The following ACSM5 variants were observed in gnomAD, a reference collection of about 807,000 sequenced individuals.
The protein encoded by ACSM5 is acyl-CoA synthetase medium chain family member 5, also known as acyl-coenzyme A synthetase ACSM5, mitochondrial.
A neutral mutation model predicts 71.6 loss-of-function variants in ACSM5; 56 were observed. The ratio of observed to expected loss-of-function variants is 0.78; its 90% CI spans 0.63 to 0.98. The LOEUF (loss-of-function observed/expected upper bound fraction) is 0.98. Among genes scored for constraint, ACSM5 ranks in the 50% least tolerant of loss-of-function variants. ACSM5 has a pLI of 0.00. For synonymous variants in ACSM5, 285 were observed against 281.5 expected, an observed-to-expected ratio of 1.01 and a Z score of -0.12; for missense variants, 723 against 726.0, an observed-to-expected ratio of 1.00 and a Z score of 0.05.
In ACSM5 at chr16:20,420,879, T is replaced by C. The variant is rs1392786378; in HGVS notation, c.624-379T>C. Among the ~76,000 whole-genome samples the C allele has an allele frequency of 3.3e-5, 5 of 152,100 alleles. No individual in the cohort carries two copies. The East Asian group carries it at 5.8e-4, about 18-fold the overall frequency. ...ATTACCTAGATCTCAAAACCCCATA[T>C]TGGGGGAAACCTTTAGAAAAGAGTT... On this transcript the variant is annotated intron_variant, in intron 4 of 13. Coordinates refer to ENST00000331849, the MANE Select transcript of ACSM5 (RefSeq NM_017888.3).
At chr16:20,419,630 A>T in intron 4 of ACSM5, 195 bp downstream of exon 4, 1 of 599,758 alleles carries the variant, frequency 1.7e-6, no homozygotes. Flanking sequence ...TCAGTGCTGG[A>T]TTTGTCAGCA....
intron 13 of ACSM5, 27 bp downstream of exon 13, chr16:20,439,946 G>A (rs1967288979): frequency 6.2e-7 from 1 of 1,611,194 alleles, no homozygotes; most frequent in Admixed American, 1.7e-5. Flanking sequence ...CCAGGGCACA[G>A]TGATCTGGGA....
chr16:20,416,389 A>G (rs1193534513), intron 2 of ACSM5, among the ~76,000 whole-genome samples: 1 of 152,178 alleles, frequency 6.6e-6, no homozygotes, highest in Non-Finnish European at 1.5e-5. Flanking sequence ...ACTTGGATAA[A>G]TAGGTATGAA....
At position 20,427,859 on chromosome 16, in the gene ACSM5, T is replaced by C. The variant is rs1042942804; in HGVS notation, c.993T>C (p.Asp331=). 11 of 1,613,362 alleles carry C rather than the reference T, an allele frequency of 6.8e-6. No homozygotes were observed. The highest frequency in any genetic ancestry group is 1.3e-5 in the African/African-American group (1 of 75,036). The change falls in exon 7 of 14, where the codon GAT becomes GAC. Residue 331 remains aspartate, a synonymous_variant. Coordinates refer to ENST00000331849, the MANE Select transcript of ACSM5 (RefSeq NM_017888.3). ...PTIFRLLVQE[D]LTRYQFQSLR... ...TCTTTCGGCTGCTTGTGCAGGAGGA[T>C]CTGACCAGGTACAGCCCGTCTATTT...
intron 5 of ACSM5, among the ~76,000 whole-genome samples, chr16:20,422,959 T>G (rs1234480354): frequency 6.6e-6 from 1 of 152,168 alleles, no homozygotes; most frequent in Non-Finnish European, 1.5e-5. Flanking sequence ...ACAGTTTGTT[T>G]ATGGAGTTGT....
chr16:20,440,593 A>C lies in ACSM5; in HGVS notation c.*166A>C. ...ATCACTGGGCAATGCTGGAAAGAGC[A>C]AAAGAATATCATTGGCCCTGATCAC... On this transcript the variant is annotated 3_prime_UTR_variant, in exon 14 of 14. Coordinates refer to ENST00000331849, the MANE Select transcript of ACSM5 (RefSeq NM_017888.3). 4.8e-6 allele frequency: 3 copies of C among 630,680 alleles called. No individual in the cohort carries two copies. Among genetic ancestry groups the C allele is most frequent in the Non-Finnish European group, 5.7e-6 (2 of 351,186 alleles). The allele number at this position is 630,680 out of a possible 1,614,324, so 39.1% of individuals were successfully genotyped here. A position where few individuals can be genotyped will look rare whatever the true frequency, so the allele number is the denominator to read the frequency against.
chr16:20,410,178 G>A (rs1399510412), intron 1 of ACSM5, among the ~76,000 whole-genome samples: 1 of 152,148 alleles, frequency 6.6e-6, no homozygotes, highest in Non-Finnish European at 1.5e-5. Context: ...TCAATAGACT[G>A]AAGCTGTTAT....
intron 3 of ACSM5, 150 bp from the exon 4 acceptor site, chr16:20,419,078 T>G: frequency 1.4e-6 from 1 of 691,670 alleles, no homozygotes; most frequent in South Asian, 1.8e-5. Context: ...TTCAGACGGC[T>G]AGGGTTTTTA....
chr16:20,416,992 A>G (rs1437211687), intron 2 of ACSM5, among the ~76,000 whole-genome samples: 7 of 147,746 alleles, frequency 4.7e-5, no homozygotes, highest in Non-Finnish European at 1.0e-4. Context: ...CCTAGCCACA[A>G]GGAGATACCA....
At position 20,425,775 on chromosome 16, in the gene ACSM5, C is replaced by T. The variant is rs546081218; in HGVS notation, c.921+1706C>T. The stretch of plus-strand genomic sequence containing the variant: ...GCCATTAATTCATTCCTTTTTATGG[C>T]TGAGTTGTATTCCATTATATATATT... On this transcript the variant is annotated intron_variant, in intron 6 of 13. Coordinates refer to ENST00000331849, the MANE Select transcript of ACSM5 (RefSeq NM_017888.3). 8.3e-4 allele frequency among the ~76,000 whole-genome samples: 126 copies of T among 152,012 alleles called. 1 individual carries two copies. The highest frequency in any genetic ancestry group is 1.3e-3 in the Non-Finnish European group (87 of 67,988).
intron 10 of ACSM5, among the ~76,000 whole-genome samples, chr16:20,433,827 C>T (rs1253407366): frequency 6.7e-6 from 1 of 148,892 alleles, no homozygotes; most frequent in African/African-American, 2.5e-5. Context: ...GCACATGCCA[C>T]CACACCTGGC....
rs558507634 is a variant in ACSM5 at position 20,426,045 on chromosome 16, C to T, written c.922-1743C>T. On this transcript the variant is annotated intron_variant, in intron 6 of 13. Transcript: ENST00000331849. ...TGGTTGTACTAGTTTACATTCCTAC[C>T]AGCAATGTAGAAGTGTTCCTTGTTC... is the stretch of plus-strand genomic sequence containing the variant. 3.9e-5 allele frequency among the ~76,000 whole-genome samples: 6 copies of T among 152,252 alleles called. No homozygotes were observed. The South Asian group carries it at 6.2e-4, about 16-fold the overall frequency.
At chr16:20,433,009 C>T (rs960754944) in intron 10 of ACSM5, among the ~76,000 whole-genome samples, 1 of 151,912 alleles carries the variant, frequency 6.6e-6, no homozygotes, top group Admixed American at 6.6e-5. Flanking sequence ...AGGCGCACAC[C>T]ACTTCACCGG....
chr16:20,422,010 G>T (rs112987991), intron 5 of ACSM5, among the ~76,000 whole-genome samples: 10 of 151,914 alleles, frequency 6.6e-5, no homozygotes, highest in South Asian at 2.1e-4. Context: ...TGTCCTCAAG[G>T]TTCATCCGTG....
At chr16:20,409,868 AGGTGAGG>A (rs2141635342) in intron 1 of ACSM5, among the ~76,000 whole-genome samples, 1 of 37,520 alleles carries the variant, frequency 2.7e-5, no homozygotes, top group African/African-American at 2.1e-4. Context: ...AGTTCAGGAG[AGGTGAGG>A]GGCGGGAGAG....
intron 2 of ACSM5, 29 bp from the exon 3 acceptor site, chr16:20,418,030 T>C (rs201051823): frequency 8.3e-6 from 13 of 1,573,138 alleles, no homozygotes; most frequent in Middle Eastern, 1.9e-4. Context: ...AAATTGCTTC[T>C]TTTTTTTTCT....
Position 20,418,131 on chromosome 16 carries a change from G to A in ACSM5, c.277G>A (p.Glu93Lys). 5 of 1,613,810 alleles carry A rather than the reference G, an allele frequency of 3.1e-6. No individual in the cohort carries two copies. Among genetic ancestry groups the A allele is most frequent in the Non-Finnish European group, 4.2e-6 (5 of 1,179,954 alleles). Residue 93 changes from glutamate to lysine, a missense_variant, in exon 3 of 14, where the codon GAG becomes AAG. Glu to Lys is a moderately conservative substitution (Grantham distance 56). Coordinates refer to ENST00000331849, the MANE Select transcript of ACSM5 (RefSeq NM_017888.3). Reference sequence around the variant, plus strand: ...AGGAGCAGAGATCAAGTGGAGCTTTGAGGAGCTGGGGAAGCAGTCCAGGAA... The same window carrying A: ...AGGAGCAGAGATCAAGTGGAGCTTTAAGGAGCTGGGGAAGCAGTCCAGGAA... ...GTGAEIKWSF[E>K]ELGKQSRKAA...
Position 20,441,095 on chromosome 16 carries a change from G to A in ACSM5, c.*668G>A, listed in dbSNP as rs1967324150. The A allele has an allele frequency of 6.6e-6, 1 of 152,170 alleles. No homozygotes were observed. Among genetic ancestry groups the A allele is most frequent in the African/African-American group, 2.4e-5 (1 of 41,458 alleles). 9.4% of individuals were successfully genotyped at this position (152,170 alleles called of 1,614,324 possible). A position where few individuals can be genotyped will look rare whatever the true frequency, so the allele number is the denominator to read the frequency against. ...AGCAGTTTAGTATGTCTTGGGAAAAGTGTAAGCTATATTAATTTTAAAAAT... is the reference window on the plus strand; with the variant it reads ...AGCAGTTTAGTATGTCTTGGGAAAAATGTAAGCTATATTAATTTTAAAAAT... On this transcript the variant is annotated 3_prime_UTR_variant, in exon 14 of 14. Coordinates refer to ENST00000331849, the MANE Select transcript of ACSM5 (RefSeq NM_017888.3).
rs1370853078 is a variant in ACSM5 at position 20,427,825 on chromosome 16, T to A, written c.959T>A (p.Val320Asp). 2.5e-6 allele frequency: 4 copies of A among 1,614,098 alleles called. No homozygotes were observed. The South Asian group carries it at 4.4e-5, about 18-fold the overall frequency. ...TTCCCGATAACCACCCTCTGCTGTG[T>A]CCCAACCATCTTTCGGCTGCTTGTG... The part of the protein sequence containing the change: ...SKFPITTLCC[V>D]PTIFRLLVQE... The change falls in exon 7 of 14, where the codon GTC becomes GAC. Residue 320 changes from valine (V) to aspartate (D), a missense_variant. Val to Asp is a radical substitution (Grantham distance 152). Transcript: ENST00000331849.
Sources: allele counts gnomAD v4.1 joint callset (sites outside exome capture counted in the v4.1 genomes callset), GRCh38; gene constraint gnomAD v4.1.1; transcripts MANE v1.5; gene names NCBI Gene and HGNC (gene_info 2026-07-23, HGNC 2026-07-21).